Variants in NKAP observed in about 807,000 individuals in gnomAD.
The protein encoded by NKAP is NFKB activating protein.
A neutral mutation model predicts 35.6 loss-of-function variants in NKAP; 4 were observed. The observed-to-expected ratio is 0.11, with a 90% CI of 0.06 to 0.26. The LOEUF (loss-of-function observed/expected upper bound fraction) is 0.26. NKAP is among the 10% of genes least tolerant of loss of function. The probability of loss-of-function intolerance (pLI) is 1.00; values close to 1 mark genes in which losing one functional copy is unlikely to be tolerated. For synonymous variants in NKAP, 106 were observed against 119.2 expected (o/e 0.89, Z 0.72); for missense variants, 238 against 321.9 (o/e 0.74, Z 1.99).
intron 5 of NKAP, among the ~76,000 whole-genome samples, chrX:119,933,466 C>T (rs1179227735): frequency 9.0e-6 from 1 of 111,642 alleles, no homozygotes; most frequent in Non-Finnish European, 1.9e-5. Flanking sequence ...ATTCTTGCCC[C>T]AACTCAAATC....
In NKAP at chrX:119,932,112, C is replaced by T. The variant is rs189329243; in HGVS notation, c.842G>A (p.Arg281Gln). ...AGTCTATCAGAAGAACCTACTTGTTCGATCCTTCCAGGGATTTTCCAGAAA... is the reference window on the plus strand; with the variant it reads ...AGTCTATCAGAAGAACCTACTTGTTTGATCCTTCCAGGGATTTTCCAGAAA... The part of the protein sequence containing the change: ...EEFLENPWKD[R>Q]TKAEEPSDLI... The change falls in exon 6 of 9, where the codon CGA becomes CAA. Residue 281 changes from arginine (R) to glutamine (Q), a missense_variant. Physicochemically the swap from Arg to Gln is conservative, Grantham distance 43. Around this residue, in one of 5 missense-constraint regions of NKAP, gnomAD observed 89 missense variants for 91.7 expected, o/e 0.97. Coordinates refer to ENST00000371410, the MANE Select transcript of NKAP (RefSeq NM_024528.4). 4.4e-4 allele frequency: 524 copies of T among 1,203,117 alleles called. 3 individuals are homozygous for T. The East Asian group carries it at 5.2e-3, about 12-fold the overall frequency.
At position 119,925,131 on chromosome X, in the gene NKAP, C is replaced by A; in HGVS notation, c.*89G>T. The stretch of plus-strand genomic sequence containing the variant: ...GCACAGTAGCACTGTAAAGCTTTCT[C>A]AGAACATAATAATCTTTTTCTATGT... On this transcript the variant is annotated 3_prime_UTR_variant, in exon 9 of 9. Coordinates refer to ENST00000371410, the MANE Select transcript of NKAP (RefSeq NM_024528.4). 1 of 983,177 alleles carries A rather than the reference C, an allele frequency of 1.0e-6. No homozygotes were observed. The highest frequency in any genetic ancestry group is 1.4e-6 in the Non-Finnish European group (1 of 712,400). 81.0% of individuals were successfully genotyped at this position (983,177 alleles called of 1,213,427 possible). A position where few individuals can be genotyped will look rare whatever the true frequency, so the allele number is the denominator to read the frequency against.
intron 5 of NKAP, among the ~76,000 whole-genome samples, chrX:119,933,262 T>C: frequency 8.9e-6 from 1 of 112,263 alleles, no homozygotes; most frequent in Middle Eastern, 4.6e-3. Context: ...AAATAGTTGA[T>C]GAGGGTAAGT....
chrX:119,925,838 G>A (rs577586719), intron 8 of NKAP, among the ~76,000 whole-genome samples: 7 of 107,389 alleles, frequency 6.5e-5, no homozygotes, highest in Non-Finnish European at 1.1e-4. Context: ...GTGAGCCACC[G>A]TGCCCGGCCC....
intron 8 of NKAP, among the ~76,000 whole-genome samples, chrX:119,925,932 T>TTTTC (rs1569471198): frequency 1.4e-4 from 7 of 48,819 alleles, no homozygotes; most frequent in East Asian, 5.1e-4. Context: ...CTTTTTTCTT[T>TTTTC]TTTTTTTTTT....
chrX:119,920,812 A>C lies in NKAP; in HGVS notation c.*4408T>G. ...TAAGTTGTTTTCTATTTTCTAAAGT[A>C]TTTTTTTCTATCACTATATGTATCA... On this transcript the variant is annotated 3_prime_UTR_variant, in exon 9 of 9. Coordinates refer to ENST00000371410, the MANE Select transcript of NKAP (RefSeq NM_024528.4). 1 of 286,043 alleles carries C rather than the reference A, an allele frequency of 3.5e-6. No homozygotes were observed. The allele number at this position is 286,043 out of a possible 1,213,427, so 23.6% of individuals were successfully genotyped here. A position where few individuals can be genotyped will look rare whatever the true frequency, so the allele number is the denominator to read the frequency against.
At chrX:119,930,722 G>A (rs2056736209) in intron 7 of NKAP, among the ~76,000 whole-genome samples, 1 of 111,126 alleles carries the variant, frequency 9.0e-6, no homozygotes, top group African/African-American at 3.3e-5. Flanking sequence ...GGAGGCTGAG[G>A]CAGGAGAATC....
intron 8 of NKAP, among the ~76,000 whole-genome samples, chrX:119,927,245 C>T (rs933055941): frequency 9.3e-6 from 1 of 107,170 alleles, no homozygotes; most frequent in Non-Finnish European, 1.9e-5. Flanking sequence ...CCTCCTATTT[C>T]ATGTACTGAA....
In NKAP at chrX:119,943,659, A is replaced by G; in HGVS notation, c.-54T>C. On this transcript the variant is annotated 5_prime_UTR_variant, in exon 1 of 9. Coordinates refer to ENST00000371410, the MANE Select transcript of NKAP (RefSeq NM_024528.4). ...GACAAGGGGGCGCTCTCGCGAGCCT[A>G]GGAAGATGTCTGTTGCCTTGGTTCC... The G allele has an allele frequency of 8.9e-7, 1 of 1,121,616 alleles. No individual in the cohort carries two copies. Among genetic ancestry groups the G allele is most frequent in the East Asian group, 3.0e-5 (1 of 32,963 alleles). 92.4% of individuals were successfully genotyped at this position (1,121,616 alleles called of 1,213,427 possible).
chrX:119,939,356 G>A (rs2056781433), intron 1 of NKAP, among the ~76,000 whole-genome samples: 1 of 111,547 alleles, frequency 9.0e-6, no homozygotes, highest in Non-Finnish European at 1.9e-5. Context: ...GCACGATCTT[G>A]GCTCACTGCA....
intron 7 of NKAP, among the ~76,000 whole-genome samples, chrX:119,931,500 C>T (rs1265847224): frequency 9.2e-6 from 1 of 108,924 alleles, no homozygotes; most frequent in African/African-American, 3.3e-5. Context: ...AGCGAGACTC[C>T]GTCTCACAAA....
At position 119,925,297 on chromosome X, in the gene NKAP, G is replaced by T. The variant is rs2056705669; in HGVS notation, c.1171C>A (p.Arg391=). 1 of 1,210,412 alleles carries T rather than the reference G, an allele frequency of 8.3e-7. No individual in the cohort carries two copies. The highest frequency in any genetic ancestry group is 1.1e-6 in the Non-Finnish European group (1 of 895,056). ...GCCAGAATCTTGTTCTCTCTCTTTCGTCTCTCTTCTTGGTTAAAGGATGCA... is the reference window on the plus strand; with the variant it reads ...GCCAGAATCTTGTTCTCTCTCTTTCTTCTCTCTTCTTGGTTAAAGGATGCA... ...ALASFNQEER[R]KRENKILASF... The change falls in exon 9 of 9, where the codon CGA becomes AGA. Residue 391 remains arginine, a synonymous_variant. Transcript: ENST00000371410.
chrX:119,942,997 G>T (rs775175082), intron 1 of NKAP: 4 of 392,975 alleles, frequency 1.0e-5, no homozygotes, highest in African/African-American at 2.5e-5. Flanking sequence ...GAGGCGGAAG[G>T]GGGTAGCGGG....
Position 119,921,588 on chromosome X carries a change from T to C in NKAP, c.*3632A>G, listed in dbSNP as rs1317006774. 9.3e-6 allele frequency: 1 copy of C among 107,756 alleles called. No homozygotes were observed. Among genetic ancestry groups the C allele is most frequent in the East Asian group, 2.9e-4 (1 of 3,459 alleles). The allele number at this position is 107,756 out of a possible 1,213,427, so 8.9% of individuals were successfully genotyped here. On this transcript the variant is annotated 3_prime_UTR_variant, in exon 9 of 9. Transcript: ENST00000371410. The stretch of plus-strand genomic sequence containing the variant: ...AATACAATAGCCCTACTACAACTGA[T>C]TTATGGCTCAGGTGACTAAACACAA...
rs1039146169 is a variant in NKAP at position 119,936,155 on chromosome X, T to A, written c.673+142A>T. On this transcript the variant is annotated intron_variant, in intron 4 of 8. Coordinates refer to ENST00000371410, the MANE Select transcript of NKAP (RefSeq NM_024528.4). ...GCAATAATAAATATAAAGCACTTAT[T>A]GGGGTACCTGGCACAAGGTTAGCAA... 4 of 562,929 alleles carry A rather than the reference T, an allele frequency of 7.1e-6. No homozygotes were observed. In the African/African-American group the frequency reaches 9.6e-5, roughly 14 times the overall value. 46.4% of individuals were successfully genotyped at this position (562,929 alleles called of 1,213,427 possible).
intron 1 of NKAP, among the ~76,000 whole-genome samples, chrX:119,939,090 T>C (rs1305638654): frequency 8.9e-6 from 1 of 112,164 alleles, no homozygotes; most frequent in East Asian, 2.8e-4. Flanking sequence ...TCATCTGTAA[T>C]ATGTGACAGA....
Position 119,922,343 on chromosome X carries a change from C to G in NKAP, c.*2877G>C, listed in dbSNP as rs1015653379. Reference sequence around the variant, plus strand: ...CAGGGGTCATTAATGCTGCTACATGCTGACTCTTATTTTCAGTAGTTGCGG... The same window carrying G: ...CAGGGGTCATTAATGCTGCTACATGGTGACTCTTATTTTCAGTAGTTGCGG... On this transcript the variant is annotated 3_prime_UTR_variant, in exon 9 of 9. Transcript: ENST00000371410. 2 of 112,071 alleles carry G rather than the reference C, an allele frequency of 1.8e-5. No individual in the cohort carries two copies. The highest frequency in any genetic ancestry group is 3.8e-5 in the Non-Finnish European group (2 of 53,258). The allele number at this position is 112,071 out of a possible 1,213,427, so 9.2% of individuals were successfully genotyped here.
At chrX:119,938,690 A>G in intron 2 of NKAP, 40 bp downstream of exon 2, 1 of 924,511 alleles carries the variant, frequency 1.1e-6, no homozygotes, top group Non-Finnish European at 1.5e-6. Context: ...ATTTAAACAC[A>G]TATTATAACA....
In NKAP at chrX:119,943,632, G is replaced by A; in HGVS notation, c.-27C>T. ...GCTACTGGGGGGCCCCAGCAGCCGT[G>A]GGACAAGGGGGCGCTCTCGCGAGCC... is the stretch of plus-strand genomic sequence containing the variant. On this transcript the variant is annotated 5_prime_UTR_variant, in exon 1 of 9. Coordinates refer to ENST00000371410, the MANE Select transcript of NKAP (RefSeq NM_024528.4). 8.8e-7 allele frequency: 1 copy of A among 1,142,098 alleles called. No individual in the cohort carries two copies. Among genetic ancestry groups the A allele is most frequent in the East Asian group, 3.0e-5 (1 of 33,209 alleles). 94.1% of individuals were successfully genotyped at this position (1,142,098 alleles called of 1,213,427 possible).
Sources: allele counts gnomAD v4.1 joint callset (sites outside exome capture counted in the v4.1 genomes callset), GRCh38; gene constraint gnomAD v4.1.1; regional missense constraint gnomAD v4.1.1; transcripts MANE v1.5; gene names NCBI Gene and HGNC (gene_info 2026-07-23, HGNC 2026-07-21).